The following PTPN3 variants were observed in gnomAD, a reference collection of about 807,000 sequenced individuals.
PTPN3 encodes the protein tyrosine-protein phosphatase non-receptor type 3.
Under a neutral mutation model 132.7 loss-of-function variants are expected in PTPN3, and 96 were observed. The ratio of observed to expected loss-of-function variants is 0.72; its 90% confidence interval spans 0.61 to 0.86. PTPN3 has a LOEUF of 0.86. Among genes scored for constraint, PTPN3 ranks in the 40% least tolerant of loss-of-function variants. The pLI, the probability that PTPN3 is intolerant of heterozygous loss-of-function variation, is 0.00. For synonymous variants in PTPN3, 398 were observed against 429.0 expected (o/e 0.93, Z 0.89); for missense variants, 1,125 against 1,159.6 (o/e 0.97, Z 0.43).
the PTPN3 span, among the ~76,000 whole-genome samples, chr9:109,516,013 C>T: frequency 6.6e-6 from 1 of 152,204 alleles, no homozygotes; most frequent in Non-Finnish European, 1.5e-5. Flanking sequence ...CTCTTGATTA[C>T]TATACCGGCA....
chr9:109,382,228 C>T (rs1839163344), intron 24 of PTPN3, 74 bp downstream of exon 24: 10 of 1,514,946 alleles, frequency 6.6e-6, no homozygotes, highest in African/African-American at 1.4e-5. Context: ...GTGGGTCTGG[C>T]GCCTGCCAAT....
Position 109,438,095 on chromosome 9 carries a change from C to G in PTPN3, c.587+19G>C. ...ACCCAACCCAAGTCCCCAAAGTAGG[C>G]CACCCCAGCCCCCCTCACCTGTGCT... On this transcript the variant is annotated intron_variant, in intron 8 of 25. Coordinates refer to ENST00000374541, the MANE Select transcript of PTPN3 (RefSeq NM_002829.4). 5 of 1,603,002 alleles carry G rather than the reference C, an allele frequency of 3.1e-6. No individual in the cohort carries two copies. In the East Asian group the frequency reaches 1.1e-4, roughly 36 times the overall value.
At chr9:109,467,772 A>T (rs1280799789) in intron 1 of PTPN3, among the ~76,000 whole-genome samples, 1 of 152,220 alleles carries the variant, frequency 6.6e-6, no homozygotes, top group Admixed American at 6.5e-5. Flanking sequence ...GCTGGGACTT[A>T]TTCATTTCAC....
chr9:109,450,958 A>G, intron 5 of PTPN3: 1 of 984,390 alleles, frequency 1.0e-6, no homozygotes, highest in Non-Finnish European at 1.2e-6. Flanking sequence ...ATTTCCTTAA[A>G]CAGGAACTAC....
At chr9:109,469,646 T>G (rs1846270990) in intron 1 of PTPN3, among the ~76,000 whole-genome samples, 1 of 152,146 alleles carries the variant, frequency 6.6e-6, no homozygotes, top group African/African-American at 2.4e-5. Flanking sequence ...AAGTATTCCA[T>G]ATTCTTATTT....
intron 14 of PTPN3, among the ~76,000 whole-genome samples, chr9:109,412,269 C>A (rs1019079190): frequency 3.9e-5 from 6 of 152,240 alleles, no homozygotes; most frequent in Non-Finnish European, 8.8e-5. Flanking sequence ...AGTGCCATTA[C>A]ATGACCACAG....
intron 5 of PTPN3, chr9:109,449,122 G>A (rs1845065440): frequency 4.0e-6 from 5 of 1,264,852 alleles, no homozygotes; most frequent in South Asian, 4.0e-5. Context: ...GAGCAGGGAT[G>A]AATGGGGTGG....
At chr9:109,438,080 A>C in intron 8 of PTPN3, 34 bp downstream of exon 8, 1 of 1,591,460 alleles carries the variant, frequency 6.3e-7, no homozygotes, top group South Asian at 1.2e-5. Context: ...ACCCAACCCA[A>C]GTCCCCAAAG....
At position 109,433,056 on chromosome 9, in the gene PTPN3, G is replaced by C; in HGVS notation, c.764+17C>G. 1 of 1,612,300 alleles carries C rather than the reference G, an allele frequency of 6.2e-7. No individual in the cohort carries two copies. The highest frequency in any genetic ancestry group is 8.5e-7 in the Non-Finnish European group (1 of 1,179,126). On this transcript the variant is annotated intron_variant, in intron 10 of 25. Coordinates refer to ENST00000374541, the MANE Select transcript of PTPN3 (RefSeq NM_002829.4). The stretch of plus-strand genomic sequence containing the variant: ...TAAAGCATGATTCAGAAAATAATGA[G>C]AACTGTTTGCACTTACCAAGGATAG...
chr9:109,431,485 G>A lies in PTPN3; in HGVS notation c.764+1588C>T, dbSNP rs1010755819. On this transcript the variant is annotated intron_variant, in intron 10 of 25. Coordinates refer to ENST00000374541, the MANE Select transcript of PTPN3 (RefSeq NM_002829.4). The stretch of plus-strand genomic sequence containing the variant: ...TTAGCCTGATCTTAGTCCTGAGTGG[G>A]CCAGAGAGCTGCCTGGGCACGCCCC... Among the ~76,000 whole-genome samples the A allele has an allele frequency of 7.2e-5, 11 of 152,312 alleles. No homozygotes were observed. The East Asian group carries it at 1.2e-3, about 16-fold the overall frequency.
At chr9:109,532,221 A>G in the PTPN3 span, among the ~76,000 whole-genome samples, 1 of 152,234 alleles carries the variant, frequency 6.6e-6, no homozygotes, top group Non-Finnish European at 1.5e-5. Context: ...GCTGGCTGGC[A>G]GATACACTAA....
intron 1 of PTPN3, among the ~76,000 whole-genome samples, chr9:109,488,138 C>T (rs1847298973): frequency 6.7e-6 from 1 of 148,806 alleles, no homozygotes; most frequent in Admixed American, 6.7e-5. Flanking sequence ...GCTCTTTTGC[C>T]CAGGCTGGAG....
intron 16 of PTPN3, among the ~76,000 whole-genome samples, chr9:109,408,988 T>C (rs1223551186): frequency 6.6e-6 from 1 of 151,762 alleles, no homozygotes; most frequent in African/African-American, 2.4e-5. Context: ...CAGATGAGGC[T>C]GTGCATGATG....
chr9:109,516,861 C>G, the PTPN3 span, among the ~76,000 whole-genome samples: 3 of 152,084 alleles, frequency 2.0e-5, no homozygotes, highest in Non-Finnish European at 2.9e-5. Context: ...GGAGAGCTCC[C>G]AGGTTTCTAC....
At chr9:109,429,923 G>A (rs574511028) in intron 10 of PTPN3, among the ~76,000 whole-genome samples, 4 of 152,328 alleles carry the variant, frequency 2.6e-5, no homozygotes, top group African/African-American at 9.6e-5. Flanking sequence ...GAATGGAGAG[G>A]CTGTGTAGGT....
At chr9:109,520,667 T>C in the PTPN3 span, among the ~76,000 whole-genome samples, 1 of 152,198 alleles carries the variant, frequency 6.6e-6, no homozygotes, top group Non-Finnish European at 1.5e-5. Flanking sequence ...CACAGTCTCT[T>C]TGCGCCCTCT....
intron 1 of PTPN3, among the ~76,000 whole-genome samples, chr9:109,485,839 C>T (rs1847182705): frequency 6.6e-6 from 1 of 152,266 alleles, no homozygotes; most frequent in African/African-American, 2.4e-5. Flanking sequence ...CCACCCCCGA[C>T]TCCCATACAC....
At chr9:109,427,252 GC>G in intron 11 of PTPN3, 130 bp from the exon 12 acceptor site, 1 of 960,110 alleles carries the variant, frequency 1.0e-6, no homozygotes, top group Non-Finnish European at 1.5e-6. Flanking sequence ...AAATGCCGTG[GC>G]CACAAACCAG....
chr9:109,414,231 A>G (rs1177263838), intron 14 of PTPN3, among the ~76,000 whole-genome samples: 1 of 152,242 alleles, frequency 6.6e-6, no homozygotes, highest in Admixed American at 6.5e-5. Flanking sequence ...GGCGAGTTAA[A>G]TGGTTCTCAT....
Sources: allele counts gnomAD v4.1 joint callset (sites outside exome capture counted in the v4.1 genomes callset), GRCh38; gene constraint gnomAD v4.1.1; transcripts MANE v1.5; gene names NCBI Gene and HGNC (gene_info 2026-07-23, HGNC 2026-07-21).